The following DYNLL2 variants were observed in gnomAD, a reference collection of about 807,000 sequenced individuals.
DYNLL2 encodes the protein dynein light chain 2, cytoplasmic.
DYNLL2 carries 1 observed loss-of-function variant against 9.7 expected under a neutral mutation model. The observed-to-expected ratio is 0.10, with a 90% CI of 0.04 to 0.49. The LOEUF (loss-of-function observed/expected upper bound fraction) is 0.49. Ranked by LOEUF, DYNLL2 falls within the 20% of genes least tolerant of loss-of-function variation. The pLI is 0.95. For missense variants in DYNLL2, 37 were observed against 115.2 expected (o/e 0.32, Z 3.11); for synonymous variants, 35 against 40.5 (o/e 0.86, Z 0.52).
chr17:58,089,335 G>C lies in DYNLL2; in HGVS notation c.*56G>C. 2.5e-6 allele frequency: 4 copies of C among 1,599,794 alleles called. No homozygotes were observed. The highest frequency in any genetic ancestry group is 3.4e-6 in the Non-Finnish European group (4 of 1,171,806). On this transcript the variant is annotated 3_prime_UTR_variant, in exon 3 of 3. Coordinates refer to ENST00000579991, the MANE Select transcript of DYNLL2 (RefSeq NM_080677.3). ...GCAGCGATGGCAAGCAGGCGGCGTT[G>C]CTGGGACTGTTTTGCACTGGAGCCA...
intron 2 of DYNLL2, 57 bp downstream of exon 2, chr17:58,087,279 C>A (rs989880109): frequency 6.2e-7 from 1 of 1,600,860 alleles, no homozygotes; most frequent in Non-Finnish European, 8.5e-7. Context: ...GCTGAGCTAA[C>A]CTCCAGGGAG....
intron 1 of DYNLL2, 138 bp from the exon 2 acceptor site, chr17:58,086,944 C>T (rs1003286236): frequency 9.8e-7 from 1 of 1,020,934 alleles, no homozygotes; most frequent in Non-Finnish European, 1.4e-6. Flanking sequence ...GGCTCCCTCT[C>T]CTAATGCTTC....
In DYNLL2 at chr17:58,093,751, G is replaced by A. The variant is rs989431252; in HGVS notation, c.*4472G>A. ...CCTCCTTAAGGCCTTTGGGAGAGAT[G>A]GGTCTCCTGGTATTAGAAAGGAGAG... On this transcript the variant is annotated 3_prime_UTR_variant, in exon 3 of 3. Coordinates refer to ENST00000579991, the MANE Select transcript of DYNLL2 (RefSeq NM_080677.3). 11 of 152,152 alleles carry A rather than the reference G, an allele frequency of 7.2e-5. No individual in the cohort carries two copies. Among genetic ancestry groups the A allele is most frequent in the African/African-American group, 2.7e-4 (11 of 41,418 alleles). 9.4% of individuals were successfully genotyped at this position (152,152 alleles called of 1,614,324 possible).
At position 58,089,296 on chromosome 17, in the gene DYNLL2, T is replaced by G; in HGVS notation, c.*17T>G. On this transcript the variant is annotated 3_prime_UTR_variant, in exon 3 of 3. Transcript: ENST00000579991. Reference sequence around the variant, plus strand: ...TCAGGCTAGGTGGCCATGGTGAAGGTGTCAGTGGCGGCGGCAGCGATGGCA... The same window carrying G: ...TCAGGCTAGGTGGCCATGGTGAAGGGGTCAGTGGCGGCGGCAGCGATGGCA... 6.2e-7 allele frequency: 1 copy of G among 1,608,858 alleles called. No homozygotes were observed. Among genetic ancestry groups the G allele is most frequent in the Non-Finnish European group, 8.5e-7 (1 of 1,176,886 alleles).
rs893555716 is a variant in DYNLL2 at position 58,093,130 on chromosome 17, A to C, written c.*3851A>C. The C allele has an allele frequency of 2.6e-5, 4 of 152,260 alleles. No individual in the cohort carries two copies. Among genetic ancestry groups the C allele is most frequent in the African/African-American group, 9.6e-5 (4 of 41,476 alleles). The allele number at this position is 152,260 out of a possible 1,614,324, so 9.4% of individuals were successfully genotyped here. A position where few individuals can be genotyped will look rare whatever the true frequency, so the allele number is the denominator to read the frequency against. On this transcript the variant is annotated 3_prime_UTR_variant, in exon 3 of 3. Coordinates refer to ENST00000579991, the MANE Select transcript of DYNLL2 (RefSeq NM_080677.3). ...CTGTCCTGTAGGAAGTGTTTGATAC[A>C]TACAGATTGCTCAAATGAAAAAAGA...
intron 1 of DYNLL2, among the ~76,000 whole-genome samples, chr17:58,085,254 G>A (rs2075755455): frequency 1.3e-5 from 2 of 152,178 alleles, no homozygotes; most frequent in African/African-American, 4.8e-5. Context: ...CCTTGGATGC[G>A]GTCAAGGGCT....
At chr17:58,088,582 C>G (rs1438623674) in intron 2 of DYNLL2, among the ~76,000 whole-genome samples, 1 of 152,184 alleles carries the variant, frequency 6.6e-6, no homozygotes, top group Admixed American at 6.5e-5. Flanking sequence ...GGTCCTTGTT[C>G]TGGTACATAC....
rs187620652 is a variant in DYNLL2, at chr17:58,085,257, C to A, written c.-10+1574C>A. Among the ~76,000 whole-genome samples the A allele has an allele frequency of 1.3e-4, 20 of 152,298 alleles. No individual in the cohort carries two copies. The East Asian group carries it at 3.9e-3, about 29-fold the overall frequency. ...TAGATGAAGGGGCCTTGGATGCGGT[C>A]AAGGGCTGCCTGGCTGGCAGCTGGC... On this transcript the variant is annotated intron_variant, in intron 1 of 2. Coordinates refer to ENST00000579991, the MANE Select transcript of DYNLL2 (RefSeq NM_080677.3).
At chr17:58,084,499 T>G (rs1441337573) in intron 1 of DYNLL2, among the ~76,000 whole-genome samples, 1 of 152,120 alleles carries the variant, frequency 6.6e-6, no homozygotes, top group Non-Finnish European at 1.5e-5. Context: ...ATCTTCCTCC[T>G]ATCTGGAGGC....
At position 58,089,925 on chromosome 17, in the gene DYNLL2, T is replaced by C; in HGVS notation, c.*646T>C. The stretch of plus-strand genomic sequence containing the variant: ...AGTGGGGAGCAGATTTGTCTTGCTG[T>C]CTTTGTCAGAATTTCTAAGTAAGGG... On this transcript the variant is annotated 3_prime_UTR_variant, in exon 3 of 3. Coordinates refer to ENST00000579991, the MANE Select transcript of DYNLL2 (RefSeq NM_080677.3). 2.5e-6 allele frequency: 1 copy of C among 398,760 alleles called. No homozygotes were observed. The highest frequency in any genetic ancestry group is 4.4e-6 in the Non-Finnish European group (1 of 226,138). The allele number at this position is 398,760 out of a possible 1,614,324, so 24.7% of individuals were successfully genotyped here.
At position 58,095,097 on chromosome 17, in the gene DYNLL2, G is replaced by T. The variant is rs757097547; in HGVS notation, c.*5818G>T. The T allele has an allele frequency of 2.6e-5, 4 of 151,558 alleles. No homozygotes were observed. Among genetic ancestry groups the T allele is most frequent in the African/African-American group, 9.7e-5 (4 of 41,174 alleles). 9.4% of individuals were successfully genotyped at this position (151,558 alleles called of 1,614,324 possible). A position where few individuals can be genotyped will look rare whatever the true frequency, so the allele number is the denominator to read the frequency against. On this transcript the variant is annotated 3_prime_UTR_variant, in exon 3 of 3. Coordinates refer to ENST00000579991, the MANE Select transcript of DYNLL2 (RefSeq NM_080677.3). ...GTAGATATGTTTTCAATTATCTTGG[G>T]GCATCTTTTATTTTTAATGTCAGTT... is the stretch of plus-strand genomic sequence containing the variant.
rs1256706689 is a variant in DYNLL2 at position 58,087,324 on chromosome 17, C to G, written c.132+102C>G. 1.1e-5 allele frequency: 17 copies of G among 1,494,444 alleles called. No homozygotes were observed. In the Admixed American group the frequency reaches 3.4e-4, roughly 30 times the overall value. 92.6% of individuals were successfully genotyped at this position (1,494,444 alleles called of 1,614,324 possible). A position where few individuals can be genotyped will look rare whatever the true frequency, so the allele number is the denominator to read the frequency against. On this transcript the variant is annotated intron_variant, in intron 2 of 2. Coordinates refer to ENST00000579991, the MANE Select transcript of DYNLL2 (RefSeq NM_080677.3). ...TGGGGACATAAGAAAGCCCGTATAT[C>G]CTGTGCAAGCAAAACCCTAGGAACT...
At chr17:58,085,950 C>A (rs1451892818) in intron 1 of DYNLL2, among the ~76,000 whole-genome samples, 1 of 152,104 alleles carries the variant, frequency 6.6e-6, no homozygotes, top group East Asian at 1.9e-4. Context: ...AGCAACGCAC[C>A]AAAGAGATGA....
Position 58,090,053 on chromosome 17 carries a change from T to C in DYNLL2, c.*774T>C, listed in dbSNP as rs970048432. The C allele has an allele frequency of 2.5e-6, 1 of 396,350 alleles. No individual in the cohort carries two copies. Among genetic ancestry groups the C allele is most frequent in the Non-Finnish European group, 4.4e-6 (1 of 225,222 alleles). 24.6% of individuals were successfully genotyped at this position (396,350 alleles called of 1,614,324 possible). A position where few individuals can be genotyped will look rare whatever the true frequency, so the allele number is the denominator to read the frequency against. ...TGAATCTTTTTTTTCTTTACATTTT[T>C]CTCCTGTCTGCTCCCTGCTTAGCCC... On this transcript the variant is annotated 3_prime_UTR_variant, in exon 3 of 3. Transcript: ENST00000579991.
rs1453889191 is a variant in DYNLL2, at chr17:58,093,304, C to A, written c.*4025C>A. 1 of 152,196 alleles carries A rather than the reference C, an allele frequency of 6.6e-6. No homozygotes were observed. The highest frequency in any genetic ancestry group is 1.5e-5 in the Non-Finnish European group (1 of 68,030). 9.4% of individuals were successfully genotyped at this position (152,196 alleles called of 1,614,324 possible). A position where few individuals can be genotyped will look rare whatever the true frequency, so the allele number is the denominator to read the frequency against. On this transcript the variant is annotated 3_prime_UTR_variant, in exon 3 of 3. Transcript: ENST00000579991. ...AGGGTCACTCCCAGGTGTATTCAAG[C>A]AAGAGTGCCTGAGCCACTCTTGCTT...
intron 2 of DYNLL2, 116 bp downstream of exon 2, chr17:58,087,338 A>T (rs2075763812): frequency 7.1e-7 from 1 of 1,414,526 alleles, no homozygotes; most frequent in Non-Finnish European, 9.4e-7. Flanking sequence ...TGCAAGCAAA[A>T]CCCTAGGAAC....
At position 58,086,984 on chromosome 17, in the gene DYNLL2, C is replaced by G. The variant is rs189354321; in HGVS notation, c.-9-98C>G. 542 of 1,461,386 alleles carry G rather than the reference C, an allele frequency of 3.7e-4. 2 individuals carry two copies. In the East Asian group the frequency reaches 0.011, roughly 29 times the overall value. The allele number at this position is 1,461,386 out of a possible 1,614,324, so 90.5% of individuals were successfully genotyped here. On this transcript the variant is annotated intron_variant, in intron 1 of 2. Transcript: ENST00000579991. ...CCGTGTTTTCTGTTGCCCTCACCTT[C>G]TATACTCCCCTCTTGCACTGAGACC...
At chr17:58,084,885 C>T (rs2075753244) in intron 1 of DYNLL2, among the ~76,000 whole-genome samples, 2 of 151,224 alleles carry the variant, frequency 1.3e-5, no homozygotes, top group South Asian at 2.1e-4. Flanking sequence ...CACCAGGTGA[C>T]ACTAGTTTTT....
At chr17:58,085,213 T>C (rs891787050) in intron 1 of DYNLL2, among the ~76,000 whole-genome samples, 3 of 152,186 alleles carry the variant, frequency 2.0e-5, no homozygotes, top group Non-Finnish European at 4.4e-5. Context: ...CCAGCCCTGC[T>C]TAGTTTGGCA....
Sources: allele counts gnomAD v4.1 joint callset (sites outside exome capture counted in the v4.1 genomes callset), GRCh38; gene constraint gnomAD v4.1.1; transcripts MANE v1.5; gene names NCBI Gene and HGNC (gene_info 2026-07-23, HGNC 2026-07-21).